The following GBE1 variants were observed in gnomAD, a reference collection of about 807,000 sequenced individuals.
GBE1 encodes the protein 1,4-alpha-glucan-branching enzyme.
GBE1 carries 70 observed loss-of-function variants against 88.8 expected under a neutral mutation model. The ratio of observed to expected loss-of-function variants is 0.79; its 90% CI spans 0.65 to 0.96. The LOEUF (loss-of-function observed/expected upper bound fraction) is 0.96. GBE1 is among the 40% of genes least tolerant of loss of function. The pLI, the probability that GBE1 is intolerant of heterozygous loss-of-function variation, is 0.00. For missense variants in GBE1, 872 were observed against 871.0 expected, an observed-to-expected ratio of 1.00 and a Z score of -0.01; for synonymous variants, 284 against 300.1, an observed-to-expected ratio of 0.95 and a Z score of 0.56.
intron 2 of GBE1, among the ~76,000 whole-genome samples, chr3:81,698,621 T>C (rs1705638962): frequency 6.6e-6 from 1 of 152,174 alleles, no homozygotes; most frequent in Admixed American, 6.5e-5. Context: ...ATCATCACTT[T>C]ATATAAAATT....
intron 2 of GBE1, among the ~76,000 whole-genome samples, chr3:81,691,983 G>T (rs1705527865): frequency 6.6e-6 from 1 of 152,086 alleles, no homozygotes; most frequent in Non-Finnish European, 1.5e-5. Context: ...TGGGGCTGTG[G>T]CAAATGCTCT....
At chr3:81,563,709 G>A (rs1024410762) in intron 12 of GBE1, among the ~76,000 whole-genome samples, 7 of 151,992 alleles carry the variant, frequency 4.6e-5, no homozygotes, top group African/African-American at 1.7e-4. Flanking sequence ...AAAATGCTAG[G>A]TAATTAAGTA....
intron 12 of GBE1, among the ~76,000 whole-genome samples, chr3:81,574,883 G>A (rs1398939733): frequency 2.0e-5 from 3 of 152,294 alleles, no homozygotes; most frequent in East Asian, 1.9e-4. Context: ...TATAGAATGA[G>A]GCCGGGGGCA....
intron 7 of GBE1, among the ~76,000 whole-genome samples, chr3:81,625,123 G>A (rs1007773132): frequency 2.0e-5 from 3 of 151,556 alleles, no homozygotes; most frequent in Non-Finnish European, 4.4e-5. Context: ...GGGAGAAGGA[G>A]GGATGTGTGG....
intron 12 of GBE1, among the ~76,000 whole-genome samples, chr3:81,541,938 A>G (rs1409384390): frequency 2.0e-5 from 3 of 152,074 alleles, no homozygotes; most frequent in Non-Finnish European, 4.4e-5. Flanking sequence ...TTTATTTATT[A>G]ATTTATTAAG....
At position 81,708,434 on chromosome 3, in the gene GBE1, C is replaced by A. The variant is rs148517102; in HGVS notation, c.144-2821G>T. 1.3e-3 allele frequency among the ~76,000 whole-genome samples: 196 copies of A among 152,056 alleles called. 2 individuals are homozygous for A. The highest frequency in any genetic ancestry group is 4.6e-3 in the African/African-American group (189 of 41,504). ...GCCAATAAACATTGGAAACAATGAT[C>A]AAACTCATATATAACTAAAGAAGTG... is the stretch of plus-strand genomic sequence containing the variant. On this transcript the variant is annotated intron_variant, in intron 1 of 15. Coordinates refer to ENST00000429644, the MANE Select transcript of GBE1 (RefSeq NM_000158.4).
intron 12 of GBE1, among the ~76,000 whole-genome samples, chr3:81,571,434 C>A (rs1703573792): frequency 6.6e-6 from 1 of 152,122 alleles, no homozygotes; most frequent in South Asian, 2.1e-4. Flanking sequence ...GAGCACTGAG[C>A]TACATTACAG....
intron 12 of GBE1, among the ~76,000 whole-genome samples, chr3:81,538,500 T>C (rs1340652761): frequency 6.6e-6 from 1 of 151,962 alleles, no homozygotes; most frequent in Non-Finnish European, 1.5e-5. Flanking sequence ...CAGTGTGTCA[T>C]AGCAGAGAGC....
intron 1 of GBE1, among the ~76,000 whole-genome samples, chr3:81,758,835 A>G (rs1706638145): frequency 6.6e-6 from 1 of 152,202 alleles, no homozygotes; most frequent in Non-Finnish European, 1.5e-5. Context: ...AGAACAACTA[A>G]TGAAGGTGAT....
At chr3:81,513,090 T>C (rs1373481182) in intron 14 of GBE1, among the ~76,000 whole-genome samples, 3 of 151,620 alleles carry the variant, frequency 2.0e-5, no homozygotes, top group Non-Finnish European at 3.0e-5. Context: ...GCTTGGTGAA[T>C]AGGGCATAGG....
chr3:81,611,911 G>A lies in GBE1; in HGVS notation c.993-17888C>T, dbSNP rs1704187194. ...AACACAAGCAACGTGACAAGTTTTT[G>A]AATTATGAAAAACAGGATATACTGA... On this transcript the variant is annotated intron_variant, in intron 7 of 15. Transcript: ENST00000429644. Among the ~76,000 whole-genome samples the A allele has an allele frequency of 2.0e-5, 3 of 152,024 alleles. No homozygotes were observed. The South Asian group carries it at 6.2e-4, about 31-fold the overall frequency.
intron 7 of GBE1, among the ~76,000 whole-genome samples, chr3:81,604,249 C>A (rs890094528): frequency 1.3e-5 from 2 of 149,368 alleles, no homozygotes; most frequent in Non-Finnish European, 3.0e-5. Context: ...AAAGCTAAGA[C>A]ATTCACATAA....
At chr3:81,519,954 C>T (rs182575700) in intron 14 of GBE1, among the ~76,000 whole-genome samples, 1 of 151,556 alleles carries the variant, frequency 6.6e-6, no homozygotes, top group Non-Finnish European at 1.5e-5. Context: ...AGAAATAAAT[C>T]ATCAATAATA....
At chr3:81,719,139 C>G (rs1207063564) in intron 1 of GBE1, among the ~76,000 whole-genome samples, 1 of 152,168 alleles carries the variant, frequency 6.6e-6, no homozygotes, top group Non-Finnish European at 1.5e-5. Context: ...TAAAATGTAT[C>G]ACTTACAGTA....
At chr3:81,632,843 A>C (rs552579486) in intron 7 of GBE1, among the ~76,000 whole-genome samples, 1 of 152,312 alleles carries the variant, frequency 6.6e-6, no homozygotes, top group African/African-American at 2.4e-5. Flanking sequence ...AACAATGCCC[A>C]GAGGGACAAT....
chr3:81,559,846 C>A (rs369082804), intron 12 of GBE1, among the ~76,000 whole-genome samples: 40 of 152,080 alleles, frequency 2.6e-4, no homozygotes, highest in African/African-American at 8.9e-4. Context: ...TTTGGAATGA[C>A]TAATGAATAA....
intron 2 of GBE1, among the ~76,000 whole-genome samples, chr3:81,688,227 C>T (rs1157409074): frequency 6.6e-6 from 1 of 152,226 alleles, no homozygotes; most frequent in East Asian, 1.9e-4. Flanking sequence ...CACAAGTAGC[C>T]TAAACCTACA....
intron 7 of GBE1, among the ~76,000 whole-genome samples, chr3:81,627,255 T>A (rs929729827): frequency 3.9e-5 from 6 of 152,204 alleles, no homozygotes; most frequent in African/African-American, 1.4e-4. Context: ...TATTCTAATT[T>A]GGGAGAATTA....
intron 3 of GBE1, among the ~76,000 whole-genome samples, chr3:81,667,016 G>A (rs911977305): frequency 6.6e-6 from 1 of 152,154 alleles, no homozygotes; most frequent in African/African-American, 2.4e-5. Context: ...ACTAAAATTT[G>A]TACCTTCTGA....
Sources: allele counts gnomAD v4.1 joint callset (sites outside exome capture counted in the v4.1 genomes callset), GRCh38; gene constraint gnomAD v4.1.1; transcripts MANE v1.5; gene names NCBI Gene and HGNC (gene_info 2026-07-23, HGNC 2026-07-21).